The following CLIP3 variants were observed in gnomAD, a reference collection of about 807,000 sequenced individuals.
The protein encoded by CLIP3 is CAP-Gly domain-containing linker protein 3.
Under a neutral mutation model 59.4 loss-of-function variants are expected in CLIP3, and 15 were observed. The ratio of observed to expected loss-of-function variants is 0.25; its 90% CI spans 0.17 to 0.39. The LOEUF (loss-of-function observed/expected upper bound fraction) is 0.39, where lower values mean the gene tolerates loss of function less well. CLIP3 is among the 10% of genes least tolerant of loss of function. CLIP3 has a pLI of 1.00. For missense variants in CLIP3, 495 were observed against 765.7 expected, an observed-to-expected ratio of 0.65 and a Z score of 4.17; for synonymous variants, 300 against 321.6, an observed-to-expected ratio of 0.93 and a Z score of 0.72.
intron 2 of CLIP3, among the ~76,000 whole-genome samples, chr19:36,031,383 G>T (rs1969263431): frequency 6.6e-6 from 1 of 152,118 alleles, no homozygotes; most frequent in African/African-American, 2.4e-5. Context: ...TTATTTATCT[G>T]TTCACTTGTT....
In CLIP3 at chr19:36,017,882, G is replaced by A. The variant is rs1050719288; in HGVS notation, c.1293C>T (p.Ile431=). Residue 431 remains isoleucine, a synonymous_variant, in exon 10 of 14, where the codon ATC becomes ATT. Transcript: ENST00000360535. ...QVLVAGQKQG[I]VRFYGKTDFA... Reference sequence around the variant, plus strand: ...AGTCTGTCTTCCCGTAGAAGCGCACGATCCCCTGCTTCTGGCCCGCGACAA... The same window carrying A: ...AGTCTGTCTTCCCGTAGAAGCGCACAATCCCCTGCTTCTGGCCCGCGACAA... 6.2e-6 allele frequency: 10 copies of A among 1,613,998 alleles called. No homozygotes were observed. Among genetic ancestry groups the A allele is most frequent in the South Asian group, 2.2e-5 (2 of 91,082 alleles).
Position 36,017,464 on chromosome 19 carries a change from G to A in CLIP3, c.1452-14C>T, listed in dbSNP as rs1280339648. The stretch of plus-strand genomic sequence containing the variant: ...GATCCGCCAATCCTGAGGAGACACG[G>A]GGAGGGGGAGAAGTCAGAGCCACAA... On this transcript the variant is annotated splice_polypyrimidine_tract_variant and intron_variant, in intron 11 of 13. Coordinates refer to ENST00000360535, the MANE Select transcript of CLIP3 (RefSeq NM_015526.3). The A allele has an allele frequency of 6.2e-7, 1 of 1,613,952 alleles. No homozygotes were observed. Among genetic ancestry groups the A allele is most frequent in the Non-Finnish European group, 8.5e-7 (1 of 1,179,970 alleles).
intron 9 of CLIP3, 134 bp downstream of exon 9, chr19:36,018,764 C>T (rs1487318320): frequency 1.6e-6 from 2 of 1,243,910 alleles, no homozygotes; most frequent in Non-Finnish European, 2.2e-6. Flanking sequence ...AACTGAGTCA[C>T]AGAAGTCAGG....
intron 2 of CLIP3, among the ~76,000 whole-genome samples, chr19:36,028,987 T>C (rs1046832478): frequency 7.2e-6 from 1 of 138,416 alleles, no homozygotes; most frequent in Admixed American, 7.3e-5. Flanking sequence ...CCCTTCTCCA[T>C]CTCCTACTCT....
chr19:36,026,476 C>T lies in CLIP3; in HGVS notation c.562+110G>A. On this transcript the variant is annotated intron_variant, in intron 5 of 13. Transcript: ENST00000360535. The surrounding 1 kb of genome is among the most constrained non-coding windows in gnomAD (Gnocchi z 6.3). ...CCTCTCCCACGCCTCCAACCTCCCG[C>T]TATCTCCTCAGATCACCGTCCTCCT... is the stretch of plus-strand genomic sequence containing the variant. 1 of 1,473,698 alleles carries T rather than the reference C, an allele frequency of 6.8e-7. No individual in the cohort carries two copies. The allele number at this position is 1,473,698 out of a possible 1,614,324, so 91.3% of individuals were successfully genotyped here. A position where few individuals can be genotyped will look rare whatever the true frequency, so the allele number is the denominator to read the frequency against.
chr19:36,019,591 TTTA>T (rs1968898146), intron 7 of CLIP3, among the ~76,000 whole-genome samples: 2 of 117,842 alleles, frequency 1.7e-5, no homozygotes, highest in Non-Finnish European at 3.3e-5. Context: ...AATTTATTTA[TTTA>T]TTTATTTTAT....
rs368037147 is a variant in CLIP3 at position 36,024,444 on chromosome 19, G to A, written c.870C>T (p.Ser290=). The A allele has an allele frequency of 1.2e-4, 195 of 1,614,188 alleles. 1 individual carries two copies. The Middle Eastern group carries it at 5.0e-3, about 41-fold the overall frequency. The change falls in exon 7 of 14, where the codon AGC becomes AGT. Residue 290 remains serine (S), a synonymous_variant. Transcript: ENST00000360535. ...YDNVPGNLML[S]ALGLRLGDRV... Reference sequence around the variant, plus strand: ...GGTCTCCCAGGCGCAAGCCCAGTGCGCTAAGCATGAGATTGCCTGGGACGT... The same window carrying A: ...GGTCTCCCAGGCGCAAGCCCAGTGCACTAAGCATGAGATTGCCTGGGACGT...
In CLIP3 at chr19:36,016,234, T is replaced by C; in HGVS notation, c.1590-22A>G. On this transcript the variant is annotated intron_variant, in intron 13 of 13. Coordinates refer to ENST00000360535, the MANE Select transcript of CLIP3 (RefSeq NM_015526.3). The surrounding 1 kb of genome is among the most constrained non-coding windows in gnomAD (Gnocchi z 4.1). Reference sequence around the variant, plus strand: ...CAACCTGGAAAGGAGGATGACAGGGTCACGCCCTTAGGCAGGCAGCGGGGA... The same window carrying C: ...CAACCTGGAAAGGAGGATGACAGGGCCACGCCCTTAGGCAGGCAGCGGGGA... 1 of 1,613,964 alleles carries C rather than the reference T, an allele frequency of 6.2e-7. No individual in the cohort carries two copies. The highest frequency in any genetic ancestry group is 8.5e-7 in the Non-Finnish European group (1 of 1,179,912).
At position 36,032,221 on chromosome 19, in the gene CLIP3, G is replaced by A. The variant is rs1172083127; in HGVS notation, c.137C>T (p.Ser46Leu). ...ERRQKPVVHPSAPAPLPKDYA... is the reference protein window; with the variant it reads ...ERRQKPVVHPLAPAPLPKDYA... ...GTCCTTAGGGAGGGGGGCAGGTGCC[G>A]AGGGGTGCACAACAGGCTTCTGCCG... The change falls in exon 2 of 14, where the codon TCG becomes TTG. Residue 46 changes from serine (S) to leucine (L), a missense_variant. Ser to Leu is a moderately radical substitution (Grantham distance 145, BLOSUM62 -2). Coordinates refer to ENST00000360535, the MANE Select transcript of CLIP3 (RefSeq NM_015526.3). This position sits in a 1 kb window ranked among gnomAD's most constrained non-coding sequence, Gnocchi z 4.3. 7.7e-7 allele frequency: 1 copy of A among 1,303,104 alleles called. No homozygotes were observed. The allele number at this position is 1,303,104 out of a possible 1,614,324, so 80.7% of individuals were successfully genotyped here. A position where few individuals can be genotyped will look rare whatever the true frequency, so the allele number is the denominator to read the frequency against.
chr19:36,026,435 G>A lies in CLIP3; in HGVS notation c.562+151C>T, dbSNP rs1039888686. 78 of 1,159,424 alleles carry A rather than the reference G, an allele frequency of 6.7e-5. No individual in the cohort carries two copies. In the East Asian group the frequency reaches 2.0e-3, roughly 29 times the overall value. The allele number at this position is 1,159,424 out of a possible 1,614,324, so 71.8% of individuals were successfully genotyped here. On this transcript the variant is annotated intron_variant, in intron 5 of 13. Transcript: ENST00000360535. The surrounding 1 kb of genome is among the most constrained non-coding windows in gnomAD (Gnocchi z 6.3). ...TGGCAGCCCCGACCCTCCCTAGAGT[G>A]GTAGTCCCTGAGCCCCCTCTCCCAC...
At chr19:36,020,345 A>G (rs550350105) in intron 7 of CLIP3, among the ~76,000 whole-genome samples, 5 of 151,932 alleles carry the variant, frequency 3.3e-5, no homozygotes, top group Non-Finnish European at 5.9e-5. Flanking sequence ...GCTCACACCT[A>G]TAATCCTAGC....
intron 3 of CLIP3, 37 bp from the exon 4 acceptor site, chr19:36,027,082 CAT>C (rs1313981543): frequency 5.0e-6 from 8 of 1,597,040 alleles, no homozygotes; most frequent in Admixed American, 3.6e-5. Flanking sequence ...GTCACCCACA[CAT>C]GTGGGGAACC....
In CLIP3 at chr19:36,032,254, T is replaced by C; in HGVS notation, c.104A>G (p.Gln35Arg). The C allele has an allele frequency of 7.7e-7, 1 of 1,296,942 alleles. No individual in the cohort carries two copies. The highest frequency in any genetic ancestry group is 9.9e-7 in the Non-Finnish European group (1 of 1,011,472). The allele number at this position is 1,296,942 out of a possible 1,614,324, so 80.3% of individuals were successfully genotyped here. The stretch of plus-strand genomic sequence containing the variant: ...CACAACAGGCTTCTGCCGGCGCTCC[T>C]GGGTGGGGCTGGGGGCCTCGGGGAC... ...EPVPEAPSPT[Q>R]ERRQKPVVHP... The change falls in exon 2 of 14, where the codon CAG becomes CGG. Residue 35 changes from glutamine to arginine, a missense_variant. Gln to Arg is a conservative substitution (Grantham distance 43). Transcript: ENST00000360535. The surrounding 1 kb of genome is among the most constrained non-coding windows in gnomAD (Gnocchi z 4.3).
intron 2 of CLIP3, among the ~76,000 whole-genome samples, chr19:36,027,999 C>T (rs1249908339): frequency 6.6e-6 from 1 of 152,148 alleles, no homozygotes; most frequent in Non-Finnish European, 1.5e-5. Flanking sequence ...CACTACACGC[C>T]AGCCTGGGCA....
intron 7 of CLIP3, 86 bp downstream of exon 7, chr19:36,024,310 A>G: frequency 1.8e-6 from 2 of 1,137,308 alleles, no homozygotes; most frequent in Admixed American, 1.9e-5. Flanking sequence ...CAGGGACTGC[A>G]CTCTGCCCGA....
At position 36,026,396 on chromosome 19, in the gene CLIP3, GC is replaced by G. The variant is rs1180032521; in HGVS notation, c.563-132del. The G allele has an allele frequency of 1.9e-6, 2 of 1,075,496 alleles. No homozygotes were observed. Among genetic ancestry groups the G allele is most frequent in the South Asian group, 1.5e-5 (1 of 66,184 alleles). 66.6% of individuals were successfully genotyped at this position (1,075,496 alleles called of 1,614,324 possible). A position where few individuals can be genotyped will look rare whatever the true frequency, so the allele number is the denominator to read the frequency against. On this transcript the variant is annotated intron_variant, in intron 5 of 13. Coordinates refer to ENST00000360535, the MANE Select transcript of CLIP3 (RefSeq NM_015526.3). The surrounding 1 kb of genome is among the most constrained non-coding windows in gnomAD (Gnocchi z 6.3). ...CGCAGAGCCCCGCCCCCACCTCGGAGCCCCCCTCTCCCTTGGCAGCCCCGAC... is the reference window on the plus strand; with the variant it reads ...CGCAGAGCCCCGCCCCCACCTCGGAGCCCCCTCTCCCTTGGCAGCCCCGAC...
At position 36,016,231 on chromosome 19, in the gene CLIP3, G is replaced by C; in HGVS notation, c.1590-19C>G. ...CAGCAACCTGGAAAGGAGGATGACA[G>C]GGTCACGCCCTTAGGCAGGCAGCGG... is the stretch of plus-strand genomic sequence containing the variant. On this transcript the variant is annotated intron_variant, in intron 13 of 13. Coordinates refer to ENST00000360535, the MANE Select transcript of CLIP3 (RefSeq NM_015526.3). This position sits in a 1 kb window ranked among gnomAD's most constrained non-coding sequence, Gnocchi z 4.1. The C allele has an allele frequency of 1.9e-6, 3 of 1,614,048 alleles. No individual in the cohort carries two copies. Among genetic ancestry groups the C allele is most frequent in the South Asian group, 2.2e-5 (2 of 91,072 alleles).
Position 36,019,311 on chromosome 19 carries a change from G to A in CLIP3, c.919-5C>T. ...ACAGAACCGCAGTGTGCCCGTCTGG[G>A]GAGAGAAGGGAGGCGATGGCTAAGG... is the stretch of plus-strand genomic sequence containing the variant. On this transcript the variant is annotated splice_polypyrimidine_tract_variant and splice_region_variant and intron_variant, in intron 7 of 13. Coordinates refer to ENST00000360535, the MANE Select transcript of CLIP3 (RefSeq NM_015526.3). 1 of 1,608,426 alleles carries A rather than the reference G, an allele frequency of 6.2e-7. No individual in the cohort carries two copies. The highest frequency in any genetic ancestry group is 1.1e-5 in the South Asian group (1 of 90,852).
intron 2 of CLIP3, among the ~76,000 whole-genome samples, chr19:36,030,415 G>T (rs1969224712): frequency 6.6e-6 from 1 of 152,112 alleles, no homozygotes; most frequent in African/African-American, 2.4e-5. Context: ...ACCTCTAGTG[G>T]GTGACATGTC....
Sources: allele counts gnomAD v4.1 joint callset (sites outside exome capture counted in the v4.1 genomes callset), GRCh38; gene constraint gnomAD v4.1.1; non-coding constraint Gnocchi (gnomAD v3.1); transcripts MANE v1.5; gene names NCBI Gene and HGNC (gene_info 2026-07-23, HGNC 2026-07-21).